NSUN3: variants seen among roughly 807,000 people sequenced by gnomAD.
NSUN3 encodes NOP2/Sun RNA methyltransferase 3.
NSUN3 carries 24 observed loss-of-function variants against 36.8 expected under a neutral mutation model. The ratio of observed to expected loss-of-function variants is 0.65; its 90% CI spans 0.47 to 0.92. The LOEUF is 0.92. Ranked by LOEUF, NSUN3 falls within the 40% of genes least tolerant of loss-of-function variation. The pLI is 0.00. For missense variants in NSUN3, 381 were observed against 392.8 expected (o/e 0.97, Z 0.25); for synonymous variants, 146 against 145.2 (o/e 1.01, Z -0.04).
At chr3:94,080,015 T>G (rs2077261239) in intron 2 of NSUN3, among the ~76,000 whole-genome samples, 1 of 152,000 alleles carries the variant, frequency 6.6e-6, no homozygotes, top group Admixed American at 6.6e-5. Context: ...GGCATTCTGG[T>G]TTTTGGAATT....
chr3:94,089,462 A>G (rs2077305819), intron 3 of NSUN3, among the ~76,000 whole-genome samples: 1 of 152,240 alleles, frequency 6.6e-6, no homozygotes, highest in Admixed American at 6.5e-5. Flanking sequence ...ATAAAATCTC[A>G]GGAATTAGGC....
intron 5 of NSUN3, among the ~76,000 whole-genome samples, chr3:94,111,586 TTTGTTG>T (rs961212132): frequency 1.3e-5 from 2 of 152,140 alleles, no homozygotes; most frequent in African/African-American, 4.8e-5. Flanking sequence ...AATTTAATTT[TTTGTTG>T]TTGTTGTTGT....
chr3:94,068,982 C>T (rs1386081148), intron 2 of NSUN3, among the ~76,000 whole-genome samples: 15 of 152,188 alleles, frequency 9.9e-5, no homozygotes, highest in Admixed American at 9.2e-4. Context: ...AACTTTTAGA[C>T]ACTTTAAAGT....
chr3:94,083,506 C>T (rs1036411944), intron 2 of NSUN3, among the ~76,000 whole-genome samples: 3 of 152,072 alleles, frequency 2.0e-5, no homozygotes, highest in East Asian at 1.9e-4. Flanking sequence ...AGCAACCAAA[C>T]GGAGGCTGAA....
At chr3:94,125,726 T>A (rs1203263913) in intron 5 of NSUN3, among the ~76,000 whole-genome samples, 1 of 152,230 alleles carries the variant, frequency 6.6e-6, no homozygotes, top group Non-Finnish European at 1.5e-5. Context: ...GGTCTGATTA[T>A]CATTTTCCAA....
chr3:94,070,868 G>A (rs1039981402), intron 2 of NSUN3, among the ~76,000 whole-genome samples: 10 of 152,196 alleles, frequency 6.6e-5, no homozygotes, highest in African/African-American at 9.6e-5. Context: ...AAAAGTAAAG[G>A]AGCCTTGATT....
rs2077486018 is a variant in NSUN3 at position 94,126,371 on chromosome 3, T to C, written c.904T>C (p.Phe302Leu). The C allele has an allele frequency of 3.1e-6, 5 of 1,614,142 alleles. No homozygotes were observed. The highest frequency in any genetic ancestry group is 2.7e-5 in the African/African-American group (2 of 75,028). Residue 302 changes from phenylalanine to leucine, a missense_variant, in exon 6 of 6, where the codon TTC (phenylalanine) becomes CTC (leucine). By Grantham distance (22) the Phe-to-Leu change is conservative. Transcript: ENST00000314622. ...KGIARTCSHD[F>L]TFAPTGQECG... is the part of the protein sequence containing the mutation. The stretch of plus-strand genomic sequence containing the variant: ...AATAGCAAGGACTTGCTCCCACGAC[T>C]TCACATTTGCTCCCACTGGCCAGGA...
At chr3:94,084,748 C>A in intron 3 of NSUN3, 1 of 255,310 alleles carries the variant, frequency 3.9e-6, no homozygotes, top group Non-Finnish European at 7.5e-6. Context: ...TATTGTTTAC[C>A]TTTATACTTG....
At chr3:94,119,895 A>G (rs948403883) in intron 5 of NSUN3, among the ~76,000 whole-genome samples, 10 of 152,294 alleles carry the variant, frequency 6.6e-5, no homozygotes, top group African/African-American at 2.4e-4. Context: ...GTGTTACCAC[A>G]TACAATTTTC....
chr3:94,094,217 C>T lies in NSUN3; in HGVS notation c.544C>T (p.Pro182Ser). Residue 182 changes from proline (P) to serine (S), a missense_variant, in exon 4 of 6, where the codon CCT becomes TCT. Coordinates refer to ENST00000314622, the MANE Select transcript of NSUN3 (RefSeq NM_022072.5). ...RQTLESFIPQ[P>S]LINVIKVSEL... ...GACGTTGGAATCTTTCATCCCACAGCCTTTGATAAATGTAATTAAAGTGTC... is the reference window on the plus strand; with the variant it reads ...GACGTTGGAATCTTTCATCCCACAGTCTTTGATAAATGTAATTAAAGTGTC... The T allele has an allele frequency of 6.2e-7, 1 of 1,613,340 alleles. No homozygotes were observed.
chr3:94,082,039 C>T (rs1023228321), intron 2 of NSUN3: 5 of 152,218 alleles, frequency 3.3e-5, no homozygotes, highest in Non-Finnish European at 5.9e-5. Flanking sequence ...AAGTGTTCTA[C>T]TCCTTTTTAG....
chr3:94,126,707 G>A lies in NSUN3; in HGVS notation c.*217G>A. On this transcript the variant is annotated 3_prime_UTR_variant, in exon 6 of 6. Transcript: ENST00000314622. ...AACAATGATTTAAGGTGGTGCAGAT[G>A]GTGTTTGTTCTATATTATAAATCTG... is the stretch of plus-strand genomic sequence containing the variant. The A allele has an allele frequency of 2.1e-6, 1 of 481,838 alleles. No individual in the cohort carries two copies. The highest frequency in any genetic ancestry group is 3.7e-6 in the Non-Finnish European group (1 of 272,320). 29.8% of individuals were successfully genotyped at this position (481,838 alleles called of 1,614,324 possible).
chr3:94,084,839 C>G (rs1360191302), intron 3 of NSUN3: 1 of 165,540 alleles, frequency 6.0e-6, no homozygotes, highest in African/African-American at 2.4e-5. Flanking sequence ...TGTCAATAGA[C>G]TATAAGGTTC....
chr3:94,126,394 G>A lies in NSUN3; in HGVS notation c.927G>A (p.Gln309=), dbSNP rs779888387. The A allele has an allele frequency of 1.2e-6, 2 of 1,614,186 alleles. No homozygotes were observed. Among genetic ancestry groups the A allele is most frequent in the South Asian group, 2.2e-5 (2 of 91,080 alleles). ...SHDFTFAPTG[Q]ECGLLVIPDK... ...ACTTCACATTTGCTCCCACTGGCCAGGAATGTGGGCTCTTAGTGATTCCAG... is the reference window on the plus strand; with the variant it reads ...ACTTCACATTTGCTCCCACTGGCCAAGAATGTGGGCTCTTAGTGATTCCAG... The change falls in exon 6 of 6, where the codon CAG becomes CAA. Residue 309 remains glutamine (Q), a synonymous_variant. Transcript: ENST00000314622.
intron 5 of NSUN3, among the ~76,000 whole-genome samples, chr3:94,118,420 A>C (rs570091187): frequency 2.9e-4 from 44 of 152,286 alleles, no homozygotes; most frequent in African/African-American, 1.0e-3. Context: ...TCTGACTTCT[A>C]CTTTTAAGTA....
At chr3:94,111,100 C>T (rs938664513) in intron 5 of NSUN3, among the ~76,000 whole-genome samples, 1 of 152,122 alleles carries the variant, frequency 6.6e-6, no homozygotes. Context: ...AGGCTATAAA[C>T]CTGTACAACA....
Position 94,078,886 on chromosome 3 carries a change from C to A in NSUN3, c.123-5221C>A, listed in dbSNP as rs566824681. 8.7e-4 allele frequency among the ~76,000 whole-genome samples: 133 copies of A among 152,142 alleles called. 1 individual carries two copies. In the Middle Eastern group the frequency reaches 0.024, roughly 27 times the overall value. On this transcript the variant is annotated intron_variant, in intron 2 of 5. Coordinates refer to ENST00000314622, the MANE Select transcript of NSUN3 (RefSeq NM_022072.5). ...CACTGCTGGGTCTTGACTCTTTATC[C>A]AATTTGCCAGTCTGTGTCTTTTAAT... is the stretch of plus-strand genomic sequence containing the variant.
At chr3:94,117,299 CT>C (rs2077444636) in intron 5 of NSUN3, among the ~76,000 whole-genome samples, 1 of 151,986 alleles carries the variant, frequency 6.6e-6, no homozygotes, top group African/African-American at 2.4e-5. Flanking sequence ...CACGCCCGGC[CT>C]CACAACTTAA....
intron 2 of NSUN3, chr3:94,076,244 A>G: frequency 1.1e-6 from 1 of 912,424 alleles, no homozygotes; most frequent in African/African-American, 1.6e-5. Context: ...CATGTGACTC[A>G]GAGGAATGCA....
Sources: gnomAD v4.1 joint callset for allele counts (sites outside exome capture counted in the v4.1 genomes callset) on GRCh38, gnomAD v4.1.1 for gene constraint, MANE v1.5 for transcripts, NCBI Gene and HGNC (gene_info 2026-07-23, HGNC 2026-07-21) for gene names.